Variants in PPP6C observed in about 807,000 individuals in gnomAD.
The protein encoded by PPP6C is protein phosphatase 6 catalytic subunit.
Under a neutral mutation model 39.8 loss-of-function variants are expected in PPP6C, and 11 were observed. The observed-to-expected ratio is 0.28, with a 90% CI of 0.17 to 0.46. The LOEUF (loss-of-function observed/expected upper bound fraction) is 0.46. Among genes scored for constraint, PPP6C ranks in the 20% least tolerant of loss-of-function variants. The probability of loss-of-function intolerance (pLI) is 1.00; values close to 1 mark genes in which losing one functional copy is unlikely to be tolerated. For missense variants in PPP6C, 211 were observed against 373.9 expected, an observed-to-expected ratio of 0.56 and a Z score of 3.59; for synonymous variants, 129 against 130.3, an observed-to-expected ratio of 0.99 and a Z score of 0.07.
intron 2 of PPP6C, among the ~76,000 whole-genome samples, chr9:125,170,242 T>C (rs981780755): frequency 7.3e-6 from 1 of 136,430 alleles, no homozygotes; most frequent in Non-Finnish European, 1.6e-5. Flanking sequence ...TTTGAAATTC[T>C]TTTTTTTTTT....
rs761898525 is a variant in PPP6C at position 125,189,742 on chromosome 9, A to ACAGCGGCGGCGGCGGCTGTAG, written c.-45_-25dup. On this transcript the variant is annotated 5_prime_UTR_variant, in exon 1 of 7. Transcript: ENST00000373547. Reference sequence around the variant, plus strand: ...ATTTTAAGAATAACAAGCCGCGGCAACAGCGGCGGCGGCGGCTGTAGCAGC... The same window carrying ACAGCGGCGGCGGCGGCTGTAG: ...ATTTTAAGAATAACAAGCCGCGGCAACAGCGGCGGCGGCGGCTGTAGCAGCGGCGGCGGCGGCTGTAGCAGC... 291 of 1,563,138 alleles carry ACAGCGGCGGCGGCGGCTGTAG rather than the reference A, an allele frequency of 1.9e-4. 2 individuals carry two copies. The highest frequency in any genetic ancestry group is 5.5e-4 in the South Asian group (47 of 86,102).
chr9:125,172,192 G>A (rs946564189), intron 1 of PPP6C, among the ~76,000 whole-genome samples: 3 of 152,090 alleles, frequency 2.0e-5, no homozygotes, highest in Admixed American at 2.0e-4. Context: ...GTTATATACT[G>A]TATAATTCCA....
chr9:125,189,428 A>T, intron 1 of PPP6C: 1 of 1,304,794 alleles, frequency 7.7e-7, no homozygotes. Context: ...AGGCCGCGAC[A>T]TCCCTCGGGA....
chr9:125,156,913 A>G (rs1340293705), intron 4 of PPP6C, among the ~76,000 whole-genome samples: 15 of 151,980 alleles, frequency 9.9e-5, no homozygotes, highest in Admixed American at 9.8e-4. Context: ...CCTGGGTTCA[A>G]TCAATTCTCC....
At chr9:125,169,488 T>C (rs568691982) in intron 2 of PPP6C, among the ~76,000 whole-genome samples, 45 of 152,334 alleles carry the variant, frequency 3.0e-4, no homozygotes, top group African/African-American at 1.0e-3. Context: ...AACACTACAC[T>C]GGGGGAAAAC....
intron 6 of PPP6C, 83 bp from the exon 7 acceptor site, chr9:125,150,004 C>A: frequency 6.8e-7 from 1 of 1,464,272 alleles, no homozygotes; most frequent in Non-Finnish European, 9.2e-7. Context: ...ATACCAAATC[C>A]TATTACTACT....
chr9:125,187,473 G>T (rs550498749), intron 1 of PPP6C, among the ~76,000 whole-genome samples: 2 of 151,570 alleles, frequency 1.3e-5, no homozygotes, highest in Non-Finnish European at 2.9e-5. Context: ...TAGTAGAGAG[G>T]GGGTTTCACC....
intron 1 of PPP6C, among the ~76,000 whole-genome samples, chr9:125,176,723 G>A (rs1188417213): frequency 6.6e-6 from 1 of 152,132 alleles, no homozygotes; most frequent in Non-Finnish European, 1.5e-5. Context: ...GGTTGGAATT[G>A]GGACAAAGGA....
intron 1 of PPP6C, among the ~76,000 whole-genome samples, chr9:125,171,448 CACACACACATAT>C (rs1299951673): frequency 1.7e-5 from 2 of 115,092 alleles, no homozygotes; most frequent in African/African-American, 3.6e-5. Flanking sequence ...TCACCAAACA[CACACACACATAT>C]ACACACACAC....
chr9:125,158,017 G>C (rs1234387649), intron 4 of PPP6C, among the ~76,000 whole-genome samples: 1 of 151,950 alleles, frequency 6.6e-6, no homozygotes, highest in Non-Finnish European at 1.5e-5. Context: ...TGAGAACCCA[G>C]GTGATTCCAG....
At chr9:125,171,542 G>A (rs1488923132) in intron 1 of PPP6C, among the ~76,000 whole-genome samples, 3 of 130,196 alleles carry the variant, frequency 2.3e-5, no homozygotes. Flanking sequence ...ACAGTAAAAG[G>A]TTTTTGGGTT....
At chr9:125,155,228 C>T (rs960088491) in intron 4 of PPP6C, among the ~76,000 whole-genome samples, 3 of 151,944 alleles carry the variant, frequency 2.0e-5, no homozygotes, top group African/African-American at 7.3e-5. Context: ...TAATAGGGTA[C>T]ACACTTCTTT....
intron 4 of PPP6C, 87 bp from the exon 5 acceptor site, chr9:125,154,072 AC>A (rs1836012920): frequency 9.8e-7 from 1 of 1,015,580 alleles, no homozygotes; most frequent in African/African-American, 1.6e-5. Flanking sequence ...CTTCAGTACA[AC>A]AGAAATTCAG....
chr9:125,160,837 A>G lies in PPP6C; in HGVS notation c.237+4T>C. On this transcript the variant is annotated splice_donor_region_variant and intron_variant, in intron 3 of 6. Transcript: ENST00000373547. ...AGCACTTGATATCACTGGTGTTTAC[A>G]TACCATAAATATGTAGTTTGTGTCA... The G allele has an allele frequency of 6.4e-7, 1 of 1,567,280 alleles. No homozygotes were observed.
rs1159675645 is a variant in PPP6C, at chr9:125,147,770, T to C, written c.*1903A>G. 1 of 151,246 alleles carries C rather than the reference T, an allele frequency of 6.6e-6. No homozygotes were observed. Among genetic ancestry groups the C allele is most frequent in the Non-Finnish European group, 1.5e-5 (1 of 67,870 alleles). The allele number at this position is 151,246 out of a possible 1,614,324, so 9.4% of individuals were successfully genotyped here. ...ACCGGTTCTATTAGTACAACTTAAG[T>C]GGAAAGCAAGCACTTAAATACAATT... is the stretch of plus-strand genomic sequence containing the variant. On this transcript the variant is annotated 3_prime_UTR_variant, in exon 7 of 7. Transcript: ENST00000373547.
chr9:125,176,304 C>T (rs1160917197), intron 1 of PPP6C, among the ~76,000 whole-genome samples: 1 of 152,064 alleles, frequency 6.6e-6, no homozygotes, highest in Non-Finnish European at 1.5e-5. Flanking sequence ...CTGAGTGTAA[C>T]GGGAAGCCAT....
intron 4 of PPP6C, among the ~76,000 whole-genome samples, chr9:125,154,401 C>T (rs1013504144): frequency 2.6e-5 from 4 of 152,144 alleles, no homozygotes; most frequent in African/African-American, 9.7e-5. Flanking sequence ...AGTATTTGTG[C>T]AATAGGAATT....
intron 2 of PPP6C, among the ~76,000 whole-genome samples, chr9:125,167,796 G>A (rs1217724297): frequency 2.2e-5 from 3 of 135,758 alleles, no homozygotes; most frequent in Admixed American, 7.7e-5. Flanking sequence ...GGAGGCCAAG[G>A]CAGGTGGATC....
intron 1 of PPP6C, among the ~76,000 whole-genome samples, chr9:125,171,488 T>A (rs1194643765): frequency 1.2e-5 from 1 of 83,428 alleles, no homozygotes; most frequent in African/African-American, 6.6e-5. Context: ...CATATATATA[T>A]ATATATATAT....
Sources: allele counts gnomAD v4.1 joint callset (sites outside exome capture counted in the v4.1 genomes callset), GRCh38; gene constraint gnomAD v4.1.1; transcripts MANE v1.5; gene names NCBI Gene and HGNC (gene_info 2026-07-23, HGNC 2026-07-21).